SPAG17: variants seen among roughly 807,000 people sequenced by gnomAD.
SPAG17 encodes sperm-associated antigen 17.
A neutral mutation model predicts 273.6 loss-of-function variants in SPAG17; 169 were observed. The ratio of observed to expected loss-of-function variants is 0.62; its 90% CI spans 0.55 to 0.70. The LOEUF (loss-of-function observed/expected upper bound fraction) is 0.70. Ranked by LOEUF, SPAG17 falls within the 30% of genes least tolerant of loss-of-function variation. SPAG17 has a pLI of 0.00. For missense variants in SPAG17, 2,557 were observed against 2,627.8 expected (o/e 0.97, Z 0.59); for synonymous variants, 825 against 873.2 (o/e 0.94, Z 0.97).
intron 47 of SPAG17, 166 bp downstream of exon 47, chr1:117,966,443 T>G (rs1653858061): frequency 1.7e-6 from 1 of 603,716 alleles, no homozygotes; most frequent in Admixed American, 3.7e-5. Flanking sequence ...TAGATTTGGC[T>G]AGGTGCTTTC....
intron 1 of SPAG17, among the ~76,000 whole-genome samples, chr1:118,163,596 AT>A (rs1041285134): frequency 5.8e-5 from 8 of 139,122 alleles, no homozygotes; most frequent in African/African-American, 1.6e-4. Flanking sequence ...TGTTCCTTCA[AT>A]TTTCCCATCT....
intron 3 of SPAG17, among the ~76,000 whole-genome samples, chr1:118,117,076 T>A (rs1657130960): frequency 6.6e-6 from 1 of 152,294 alleles, no homozygotes; most frequent in African/African-American, 2.4e-5. Context: ...GATGTCAATA[T>A]TTGGTTTGCA....
chr1:118,138,378 G>A (rs892231899), intron 3 of SPAG17, among the ~76,000 whole-genome samples: 9 of 152,174 alleles, frequency 5.9e-5, no homozygotes, highest in African/African-American at 2.2e-4. Context: ...CTGGGGATGA[G>A]TGAACACTGT....
At position 118,180,155 on chromosome 1, in the gene SPAG17, C is replaced by CA. The variant is rs573429615; in HGVS notation, c.87+4915dup. Among the ~76,000 whole-genome samples, 458 of 152,124 alleles carry CA rather than the reference C, an allele frequency of 3.0e-3. 3 individuals are homozygous for CA. Among genetic ancestry groups the CA allele is most frequent in the African/African-American group, 0.011 (437 of 41,546 alleles). ...AAGATTTGCACTTCCATGTTTATTG[C>CA]AGCAGTATTCACAATAGCCAAAGTA... is the stretch of plus-strand genomic sequence containing the variant. On this transcript the variant is annotated intron_variant, in intron 1 of 48. Transcript: ENST00000336338.
intron 3 of SPAG17, among the ~76,000 whole-genome samples, chr1:118,146,545 G>A (rs1490138365): frequency 6.6e-6 from 1 of 152,118 alleles, no homozygotes; most frequent in Non-Finnish European, 1.5e-5. Context: ...TTCCTATTTA[G>A]CATATATTAT....
intron 48 of SPAG17, chr1:117,957,245 C>T: frequency 6.3e-7 from 1 of 1,576,378 alleles, no homozygotes; most frequent in African/African-American, 1.4e-5. Context: ...AGAACTGCTT[C>T]AGTAGTACCT....
intron 28 of SPAG17, among the ~76,000 whole-genome samples, chr1:118,021,979 G>A (rs528458512): frequency 6.4e-4 from 98 of 152,138 alleles, no homozygotes; most frequent in Non-Finnish European, 1.1e-3. Context: ...TAATTAAAAA[G>A]TAATCTAGTT....
intron 28 of SPAG17, among the ~76,000 whole-genome samples, chr1:118,022,431 C>CG: frequency 1.3e-5 from 1 of 78,924 alleles, no homozygotes; most frequent in South Asian, 4.3e-4. Context: ...CAAAATGAAA[C>CG]AAAACAAACA....
At chr1:118,060,394 G>C (rs1267486309) in intron 18 of SPAG17, among the ~76,000 whole-genome samples, 2 of 151,944 alleles carry the variant, frequency 1.3e-5, no homozygotes, top group East Asian at 3.9e-4. Context: ...TGATACTCCA[G>C]CCTAAGACTC....
intron 48 of SPAG17, chr1:117,961,108 C>T (rs1388889951): frequency 1.3e-5 from 2 of 152,150 alleles, no homozygotes. Flanking sequence ...ATGGTGAAAC[C>T]TCATCTCTAC....
intron 1 of SPAG17, among the ~76,000 whole-genome samples, chr1:118,157,011 G>A (rs535450807): frequency 6.6e-6 from 1 of 152,156 alleles, no homozygotes; most frequent in East Asian, 1.9e-4. Flanking sequence ...TCTGTTTAGC[G>A]ATGTGTTGAA....
intron 12 of SPAG17, 97 bp downstream of exon 12, chr1:118,086,574 G>A: frequency 1.0e-6 from 1 of 997,478 alleles, no homozygotes; most frequent in South Asian, 1.4e-5. Context: ...ATTTTAATTA[G>A]TGTTGATGAA....
chr1:118,074,668 T>C (rs1165941692), intron 15 of SPAG17, 68 bp from the exon 16 acceptor site: 5 of 1,402,818 alleles, frequency 3.6e-6, no homozygotes, highest in Non-Finnish European at 5.0e-6. Flanking sequence ...GTTAATGCTG[T>C]GCTTTTTTGT....
intron 1 of SPAG17, among the ~76,000 whole-genome samples, chr1:118,152,526 T>C (rs1010872823): frequency 6.6e-6 from 1 of 152,200 alleles, no homozygotes; most frequent in East Asian, 1.9e-4. Flanking sequence ...CCTTAAATCC[T>C]TCTTATTTAG....
chr1:118,067,713 C>T (rs952636810), intron 17 of SPAG17, among the ~76,000 whole-genome samples: 6 of 152,162 alleles, frequency 3.9e-5, no homozygotes, highest in Non-Finnish European at 8.8e-5. Context: ...TTAGAATTCT[C>T]ATTTTTTCAG....
intron 3 of SPAG17, among the ~76,000 whole-genome samples, chr1:118,129,679 CCTT>C (rs909814290): frequency 2.4e-4 from 36 of 149,578 alleles, no homozygotes; most frequent in South Asian, 6.7e-4. Flanking sequence ...TCTTTCTCTA[CCTT>C]CTTCTTCTTC....
intron 35 of SPAG17, among the ~76,000 whole-genome samples, chr1:117,994,089 T>C (rs1338962297): frequency 1.3e-5 from 2 of 152,142 alleles, no homozygotes; most frequent in African/African-American, 4.8e-5. Context: ...TATGATATAA[T>C]ATCAGTAATT....
chr1:118,129,620 ATTTCT>A (rs1657939661), intron 3 of SPAG17, among the ~76,000 whole-genome samples: 3 of 150,688 alleles, frequency 2.0e-5, no homozygotes, highest in Admixed American at 6.6e-5. Flanking sequence ...TATTTCCTTA[ATTTCT>A]TTCTCCTCCT....
chr1:118,120,607 G>C (rs1657366732), intron 3 of SPAG17, among the ~76,000 whole-genome samples: 1 of 152,156 alleles, frequency 6.6e-6, no homozygotes, highest in Admixed American at 6.5e-5. Flanking sequence ...TGAGGAGTAA[G>C]GAAAATCTAT....
Sources: allele counts gnomAD v4.1 joint callset (sites outside exome capture counted in the v4.1 genomes callset), GRCh38; gene constraint gnomAD v4.1.1; transcripts MANE v1.5; gene names NCBI Gene and HGNC (gene_info 2026-07-23, HGNC 2026-07-21).